Variants in NKAIN2 observed in about 807,000 individuals in gnomAD.
The protein encoded by NKAIN2 is sodium/potassium-transporting ATPase subunit beta-1-interacting protein 2.
NKAIN2 carries 14 observed loss-of-function variants against 32.6 expected under a neutral mutation model. That is an observed-to-expected ratio of 0.43 (90% CI 0.28 to 0.67). The LOEUF is 0.67. NKAIN2 is among the 30% of genes least tolerant of loss of function. The pLI, the probability that NKAIN2 is intolerant of heterozygous loss-of-function variation, is 0.17. For missense variants in NKAIN2, 198 were observed against 258.3 expected (o/e 0.77, Z 1.60); for synonymous variants, 80 against 87.2 (o/e 0.92, Z 0.46).
intron 4 of NKAIN2, among the ~76,000 whole-genome samples, chr6:124,693,118 T>G (rs1172960594): frequency 6.6e-6 from 1 of 152,186 alleles, no homozygotes. Context: ...TTGTATAGAA[T>G]TCTCCTGCCT....
chr6:124,189,376 T>G (rs1789903631), intron 1 of NKAIN2, among the ~76,000 whole-genome samples: 1 of 152,098 alleles, frequency 6.6e-6, no homozygotes, highest in Admixed American at 6.6e-5. Context: ...CAAAAACAAC[T>G]GCTAACTGTG....
intron 1 of NKAIN2, among the ~76,000 whole-genome samples, chr6:123,848,469 T>C (rs1775184606): frequency 6.6e-6 from 1 of 152,192 alleles, no homozygotes; most frequent in African/African-American, 2.4e-5. Context: ...CAGTGAGTTC[T>C]CACAAGATCT....
chr6:124,032,995 A>C (rs1399453642), intron 1 of NKAIN2, among the ~76,000 whole-genome samples: 1 of 152,116 alleles, frequency 6.6e-6, no homozygotes, highest in African/African-American at 2.4e-5. Context: ...ACCAGACTAC[A>C]TGTTTTAGTA....
At chr6:124,515,967 G>T (rs563259281) in intron 3 of NKAIN2, among the ~76,000 whole-genome samples, 1 of 152,048 alleles carries the variant, frequency 6.6e-6, no homozygotes, top group South Asian at 2.1e-4. Context: ...CTGAGCAACT[G>T]TTTTGGGGGT....
At chr6:124,220,601 A>T (rs559230933) in intron 1 of NKAIN2, among the ~76,000 whole-genome samples, 1 of 151,664 alleles carries the variant, frequency 6.6e-6, no homozygotes, top group African/African-American at 2.4e-5. Context: ...AGAAATTTAT[A>T]GGATGCCAAT....
At chr6:124,076,913 C>T (rs1309543606) in intron 1 of NKAIN2, among the ~76,000 whole-genome samples, 5 of 152,170 alleles carry the variant, frequency 3.3e-5, no homozygotes, top group African/African-American at 9.6e-5. Flanking sequence ...CAATTATAAA[C>T]ACTGTCTCAG....
At chr6:123,839,680 T>C (rs530901537) in intron 1 of NKAIN2, among the ~76,000 whole-genome samples, 79 of 152,198 alleles carry the variant, frequency 5.2e-4, no homozygotes, top group Non-Finnish European at 1.0e-3. Context: ...GCTAGTAGCA[T>C]ACTGTTAGTC....
At chr6:124,319,281 C>T (rs907190577) in intron 2 of NKAIN2, among the ~76,000 whole-genome samples, 1 of 152,066 alleles carries the variant, frequency 6.6e-6, no homozygotes, top group South Asian at 2.1e-4. Flanking sequence ...CCAATAGTAG[C>T]CCATTATTTT....
intron 1 of NKAIN2, among the ~76,000 whole-genome samples, chr6:123,819,753 A>G (rs183602261): frequency 1.3e-5 from 2 of 152,310 alleles, no homozygotes; most frequent in Admixed American, 6.5e-5. Flanking sequence ...ACCAGTGAGT[A>G]GCTTTTAAAA....
At chr6:123,871,506 C>G (rs150762957) in intron 1 of NKAIN2, among the ~76,000 whole-genome samples, 74 of 152,254 alleles carry the variant, frequency 4.9e-4, no homozygotes, top group African/African-American at 1.8e-3. Context: ...CCTCCTCCCC[C>G]CAGTTGAATG....
chr6:124,069,882 T>C (rs6900453), intron 1 of NKAIN2, among the ~76,000 whole-genome samples: 11,051 of 152,268 alleles, frequency 0.073, 416 homozygotes, highest in Middle Eastern at 0.15. Context: ...GACCTCAGTT[T>C]CTATGCCAGG....
chr6:124,038,724 C>G (rs1226589666), intron 1 of NKAIN2, among the ~76,000 whole-genome samples: 1 of 152,058 alleles, frequency 6.6e-6, no homozygotes, highest in Non-Finnish European at 1.5e-5. Context: ...AGAATAGATT[C>G]AAAACCAATT....
At chr6:124,274,120 AG>A (rs1178878095) in intron 1 of NKAIN2, among the ~76,000 whole-genome samples, 1 of 152,220 alleles carries the variant, frequency 6.6e-6, no homozygotes, top group Non-Finnish European at 1.5e-5. Flanking sequence ...ATTATTTTAT[AG>A]TACAACTCCA....
At chr6:124,634,988 G>C (rs1783716069) in intron 3 of NKAIN2, among the ~76,000 whole-genome samples, 1 of 145,700 alleles carries the variant, frequency 6.9e-6, no homozygotes, top group African/African-American at 2.5e-5. Context: ...AGAGAAAGAA[G>C]AGAGAAAGAA....
chr6:124,151,646 G>A (rs144863075), intron 1 of NKAIN2, among the ~76,000 whole-genome samples: 17 of 151,996 alleles, frequency 1.1e-4, no homozygotes, highest in South Asian at 2.1e-4. Flanking sequence ...TGAGATTTCT[G>A]GTTGTCAGCA....
At chr6:124,449,344 G>C (rs62437466) in intron 3 of NKAIN2, among the ~76,000 whole-genome samples, 10,816 of 151,990 alleles carry the variant, frequency 0.071, 493 homozygotes, top group African/African-American at 0.097. Flanking sequence ...AATAGGAATG[G>C]ACAGGCATCC....
At chr6:124,189,027 T>C (rs1789885131) in intron 1 of NKAIN2, among the ~76,000 whole-genome samples, 1 of 152,150 alleles carries the variant, frequency 6.6e-6, no homozygotes, top group African/African-American at 2.4e-5. Flanking sequence ...AAACACCAGA[T>C]TTTCTAATAC....
intron 1 of NKAIN2, among the ~76,000 whole-genome samples, chr6:123,835,910 A>G (rs1774598776): frequency 6.6e-6 from 1 of 152,164 alleles, no homozygotes; most frequent in Non-Finnish European, 1.5e-5. Context: ...AGTTGTATAC[A>G]TTTATAAGCA....
intron 3 of NKAIN2, among the ~76,000 whole-genome samples, chr6:124,596,758 C>G (rs536665243): frequency 6.6e-6 from 1 of 151,070 alleles, no homozygotes. Flanking sequence ...TGTATATACA[C>G]AGAGGTATAT....
Sources: allele counts gnomAD v4.1 joint callset (sites outside exome capture counted in the v4.1 genomes callset), GRCh38; gene constraint gnomAD v4.1.1; transcripts MANE v1.5; gene names NCBI Gene and HGNC (gene_info 2026-07-23, HGNC 2026-07-21).